Variants in WWOX observed in about 807,000 individuals in gnomAD.
WWOX encodes WW domain-containing oxidoreductase.
A neutral mutation model predicts 46.2 loss-of-function variants in WWOX; 69 were observed. The ratio of observed to expected loss-of-function variants is 1.49; its 90% CI spans 1.23 to 1.82. WWOX has a LOEUF of 1.82. WWOX is among the 40% of genes most tolerant of loss of function. WWOX has a pLI of 0.00. For missense variants in WWOX, 919 were observed against 542.6 expected, an observed-to-expected ratio of 1.69 and a Z score of -6.89; for synonymous variants, 359 against 202.6, an observed-to-expected ratio of 1.77 and a Z score of -6.56.
chr16:78,565,602 A>T (rs1400964409), intron 8 of WWOX, among the ~76,000 whole-genome samples: 1 of 152,192 alleles, frequency 6.6e-6, no homozygotes, highest in Non-Finnish European at 1.5e-5. Flanking sequence ...AGGGTCCTTA[A>T]TCACATCTTC....
chr16:79,106,715 C>T (rs1264593107), intron 8 of WWOX: 1 of 149,218 alleles, frequency 6.7e-6, no homozygotes, highest in African/African-American at 2.5e-5. Flanking sequence ...ACTCTCCTGC[C>T]TCAAGCAACT....
intron 8 of WWOX, among the ~76,000 whole-genome samples, chr16:79,023,142 G>T (rs1415812794): frequency 6.6e-6 from 1 of 152,094 alleles, no homozygotes; most frequent in African/African-American, 2.4e-5. Context: ...TGACCCGGGG[G>T]CTCTGTCATT....
intron 5 of WWOX, among the ~76,000 whole-genome samples, chr16:78,313,641 C>T (rs566268712): frequency 1.1e-4 from 16 of 152,328 alleles, no homozygotes; most frequent in South Asian, 2.1e-4. Flanking sequence ...GTTGGGATTA[C>T]GGGCATGAGC....
intron 5 of WWOX, among the ~76,000 whole-genome samples, chr16:78,198,281 C>G (rs2036120744): frequency 6.6e-6 from 1 of 151,486 alleles, no homozygotes; most frequent in Non-Finnish European, 1.5e-5. Context: ...AACTGGATTC[C>G]TACCAGAGGA....
intron 8 of WWOX, among the ~76,000 whole-genome samples, chr16:78,877,182 A>G (rs1008640756): frequency 4.6e-5 from 7 of 152,142 alleles, no homozygotes; most frequent in Admixed American, 1.3e-4. Context: ...AGTTATTCCT[A>G]TTTCATCCAT....
At chr16:78,514,104 T>G (rs145245200) in intron 8 of WWOX, among the ~76,000 whole-genome samples, 37 of 152,342 alleles carry the variant, frequency 2.4e-4, no homozygotes, top group African/African-American at 5.5e-4. Context: ...CCATAAATAC[T>G]GCTCAAGCAT....
At chr16:78,357,517 T>C (rs2081322294) in intron 5 of WWOX, among the ~76,000 whole-genome samples, 1 of 152,190 alleles carries the variant, frequency 6.6e-6, no homozygotes, top group Non-Finnish European at 1.5e-5. Flanking sequence ...TGTGATGTTA[T>C]CATAACCTTG....
At chr16:79,080,751 G>A (rs1286324747) in intron 8 of WWOX, among the ~76,000 whole-genome samples, 1 of 152,290 alleles carries the variant, frequency 6.6e-6, no homozygotes, top group South Asian at 2.1e-4. Flanking sequence ...AGGATCGCTT[G>A]AAGCCAGGAG....
chr16:79,002,051 T>C (rs2047103466), intron 8 of WWOX, among the ~76,000 whole-genome samples: 1 of 152,044 alleles, frequency 6.6e-6, no homozygotes, highest in Non-Finnish European at 1.5e-5. Context: ...TTTATTGTAA[T>C]GGTAAATTAC....
chr16:78,580,874 T>C (rs570057658), intron 8 of WWOX, among the ~76,000 whole-genome samples: 1 of 152,352 alleles, frequency 6.6e-6, no homozygotes, highest in African/African-American at 2.4e-5. Flanking sequence ...CTAATTTTCT[T>C]TGGTAGTGTC....
chr16:79,020,453 G>T (rs2047511252), intron 8 of WWOX, among the ~76,000 whole-genome samples: 1 of 152,150 alleles, frequency 6.6e-6, no homozygotes, highest in African/African-American at 2.4e-5. Context: ...TATATAAAAT[G>T]GGGATCATGA....
intron 8 of WWOX, among the ~76,000 whole-genome samples, chr16:78,829,905 T>C (rs2051769554): frequency 1.3e-5 from 2 of 152,168 alleles, no homozygotes; most frequent in South Asian, 2.1e-4. Context: ...CTCTTCTAAA[T>C]ACCATCTGAC....
intron 8 of WWOX, among the ~76,000 whole-genome samples, chr16:78,698,028 C>G (rs894457736): frequency 1.3e-5 from 2 of 152,124 alleles, no homozygotes; most frequent in African/African-American, 4.8e-5. Context: ...CTATGTGTTT[C>G]AAAGGGCTTA....
chr16:78,556,196 G>C (rs1004747841), intron 8 of WWOX, among the ~76,000 whole-genome samples: 1 of 151,714 alleles, frequency 6.6e-6, no homozygotes. Flanking sequence ...AACAGCAAAT[G>C]CCAGCCTATC....
chr16:78,301,891 G>C (rs1479764455), intron 5 of WWOX, among the ~76,000 whole-genome samples: 3 of 151,978 alleles, frequency 2.0e-5, no homozygotes, highest in Non-Finnish European at 4.4e-5. Context: ...AGATCACAGA[G>C]TAAGGCCTCT....
intron 8 of WWOX, chr16:79,110,702 C>G (rs2049400234): frequency 6.6e-6 from 1 of 152,160 alleles, no homozygotes; most frequent in African/African-American, 2.4e-5. Context: ...TGAAGAGCCA[C>G]TTTCAACAAT....
chr16:79,028,913 A>G (rs979355852), intron 8 of WWOX, among the ~76,000 whole-genome samples: 6 of 151,682 alleles, frequency 4.0e-5, no homozygotes, highest in African/African-American at 1.2e-4. Context: ...AAAAATGTTC[A>G]TAAATTTATA....
intron 5 of WWOX, among the ~76,000 whole-genome samples, chr16:78,385,261 C>T (rs976325333): frequency 1.3e-5 from 2 of 152,126 alleles, no homozygotes; most frequent in African/African-American, 4.8e-5. Context: ...CTTTGGACAT[C>T]ATTGCCATCC....
intron 5 of WWOX, among the ~76,000 whole-genome samples, chr16:78,361,546 C>T (rs994310925): frequency 3.3e-5 from 5 of 152,106 alleles, no homozygotes; most frequent in Admixed American, 2.0e-4. Flanking sequence ...TTCCCTTACT[C>T]TTTTTATAGT....
Sources: gnomAD v4.1 joint callset for allele counts (sites outside exome capture counted in the v4.1 genomes callset) on GRCh38, gnomAD v4.1.1 for gene constraint, MANE v1.5 for transcripts, NCBI Gene and HGNC (gene_info 2026-07-23, HGNC 2026-07-21) for gene names.